The following CTTNBP2 variants were observed in gnomAD, a reference collection of about 807,000 sequenced individuals.
CTTNBP2 encodes cortactin-binding protein 2.
CTTNBP2 carries 108 observed loss-of-function variants against 156.9 expected under a neutral mutation model. The observed-to-expected ratio is 0.69, with a 90% confidence interval of 0.59 to 0.81. The LOEUF (loss-of-function observed/expected upper bound fraction) is 0.81. CTTNBP2 is among the 30% of genes least tolerant of loss of function. CTTNBP2 has a pLI of 0.00. For missense variants in CTTNBP2, 1,924 were observed against 2,035.4 expected (o/e 0.95, Z 1.05); for synonymous variants, 767 against 751.8 (o/e 1.02, Z -0.33).
At chr7:117,745,041 C>T (rs1247179931) in intron 14 of CTTNBP2, among the ~76,000 whole-genome samples, 1 of 152,226 alleles carries the variant, frequency 6.6e-6, no homozygotes, top group East Asian at 1.9e-4. Context: ...AAAGTCTGGT[C>T]CATTTCAGTT....
chr7:117,726,667 C>T (rs575133822), intron 17 of CTTNBP2, among the ~76,000 whole-genome samples: 1 of 152,308 alleles, frequency 6.6e-6, no homozygotes, highest in South Asian at 2.1e-4. Context: ...AAAACAACAT[C>T]TTCCAGGGCC....
In CTTNBP2 at chr7:117,723,042, T is replaced by C. The variant is rs1260835957; in HGVS notation, c.4447+1505A>G. Among the ~76,000 whole-genome samples, 5 of 152,196 alleles carry C rather than the reference T, an allele frequency of 3.3e-5. No homozygotes were observed. In the East Asian group the frequency reaches 9.6e-4, roughly 29 times the overall value. ...TGCTACAGAAAGTCATCTGGGGGTC[T>C]ATACTAAATTGGTGGGCTGGAGTCT... On this transcript the variant is annotated intron_variant, in intron 19 of 22. Coordinates refer to ENST00000160373, the MANE Select transcript of CTTNBP2 (RefSeq NM_033427.3).
intron 10 of CTTNBP2, 67 bp from the exon 11 acceptor site, chr7:117,758,037 C>T: frequency 8.9e-7 from 1 of 1,128,406 alleles, no homozygotes; most frequent in Non-Finnish European, 1.3e-6. Context: ...CAAGGGTAAA[C>T]ATATGCTCTC....
intron 2 of CTTNBP2, among the ~76,000 whole-genome samples, chr7:117,831,965 A>G (rs1801638728): frequency 6.6e-6 from 1 of 152,188 alleles, no homozygotes; most frequent in African/African-American, 2.4e-5. Context: ...TTCTATGACC[A>G]AAATGACATA....
chr7:117,791,854 C>T lies in CTTNBP2; in HGVS notation c.1342G>A (p.Ala448Thr), dbSNP rs1176313173. 2 of 1,614,144 alleles carry T rather than the reference C, an allele frequency of 1.2e-6. No individual in the cohort carries two copies. Among genetic ancestry groups the T allele is most frequent in the Admixed American group, 3.3e-5 (2 of 60,030 alleles). Residue 448 changes from alanine to threonine, a missense_variant, in exon 4 of 23, where the codon GCT (alanine) becomes ACT (threonine). Coordinates refer to ENST00000160373, the MANE Select transcript of CTTNBP2 (RefSeq NM_033427.3). The stretch of plus-strand genomic sequence containing the variant: ...GCATTGCCCTGAAATCTAAATCTAG[C>T]TGCTTGGATTCGTGGGTTTAGACCT... ...HPGLNPRIQA[A>T]RFRFQGNAND...
intron 9 of CTTNBP2, among the ~76,000 whole-genome samples, chr7:117,764,898 G>A (rs1029567846): frequency 6.6e-6 from 1 of 152,058 alleles, no homozygotes; most frequent in Non-Finnish European, 1.5e-5. Context: ...GTGCATCTTT[G>A]TTCTTCTTTG....
chr7:117,846,997 A>G (rs1013454235), intron 2 of CTTNBP2, among the ~76,000 whole-genome samples: 1 of 152,222 alleles, frequency 6.6e-6, no homozygotes, highest in Non-Finnish European at 1.5e-5. Context: ...AAATTGACTT[A>G]GAGACAATTT....
intron 3 of CTTNBP2, among the ~76,000 whole-genome samples, chr7:117,796,697 A>G (rs1283753778): frequency 1.3e-5 from 2 of 152,228 alleles, no homozygotes; most frequent in African/African-American, 4.8e-5. Flanking sequence ...TATTTGTATT[A>G]TTTTAAAATG....
At chr7:117,771,556 G>A (rs910507626) in intron 8 of CTTNBP2, among the ~76,000 whole-genome samples, 2 of 152,150 alleles carry the variant, frequency 1.3e-5, no homozygotes, top group Admixed American at 6.5e-5. Context: ...GATGTGTTTG[G>A]GAAGGAAAGT....
Position 117,760,558 on chromosome 7 carries a change from G to GA in CTTNBP2, c.3048dup (p.Leu1017SerfsTer11), listed in dbSNP as rs959352339. On this transcript the variant is annotated frameshift_variant, in exon 10 of 23. Coordinates refer to ENST00000160373, the MANE Select transcript of CTTNBP2 (RefSeq NM_033427.3). LOFTEE classifies it high-confidence loss of function. ...GAGATTGCCTGGAAATGATTTGTCA[G>GA]AGCTTGACTCACTGCTTTTGAAAAA... 2 of 1,614,014 alleles carry GA rather than the reference G, an allele frequency of 1.2e-6. No homozygotes were observed. Among genetic ancestry groups the GA allele is most frequent in the Non-Finnish European group, 1.7e-6 (2 of 1,180,016 alleles).
chr7:117,752,263 A>T (rs1796655650), intron 12 of CTTNBP2, among the ~76,000 whole-genome samples: 2 of 152,196 alleles, frequency 1.3e-5, no homozygotes, highest in Non-Finnish European at 2.9e-5. Context: ...GGACATTCAG[A>T]GTCTTAATTT....
chr7:117,798,413 C>T (rs1394536570), intron 3 of CTTNBP2, among the ~76,000 whole-genome samples: 1 of 151,916 alleles, frequency 6.6e-6, no homozygotes, highest in Non-Finnish European at 1.5e-5. Flanking sequence ...CAGAATTAAA[C>T]TGGAAATAAA....
intron 2 of CTTNBP2, among the ~76,000 whole-genome samples, chr7:117,848,094 G>A (rs1802711162): frequency 6.6e-6 from 1 of 152,018 alleles, no homozygotes; most frequent in Non-Finnish European, 1.5e-5. Context: ...TGGGATTACA[G>A]GTGTGAGCCA....
chr7:117,872,929 C>G (rs960291673), intron 1 of CTTNBP2, among the ~76,000 whole-genome samples: 1 of 152,140 alleles, frequency 6.6e-6, no homozygotes, highest in Admixed American at 6.5e-5. Context: ...GAGACACGCG[C>G]TGGCAACCAC....
intron 2 of CTTNBP2, among the ~76,000 whole-genome samples, chr7:117,825,281 C>T (rs1385820701): frequency 6.6e-6 from 1 of 152,164 alleles, no homozygotes; most frequent in African/African-American, 2.4e-5. Flanking sequence ...AGTCTCTCAT[C>T]GTCTGTCCTT....
In CTTNBP2 at chr7:117,792,237, T is replaced by C; in HGVS notation, c.959A>G (p.Lys320Arg). ...TACAGGCATGGTTAAAGGCAACTTT[T>C]TCATGTGGTCAGCATTTTCTGTCAC... Reference protein sequence around the residue: ...DLVTENADHMKKLPLTMPVKP... With the variant: ...DLVTENADHMRKLPLTMPVKP... The change falls in exon 4 of 23, where the codon AAA (lysine) becomes AGA (arginine). Residue 320 changes from lysine to arginine, a missense_variant. Lys to Arg is a conservative substitution (Grantham distance 26, BLOSUM62 2). Coordinates refer to ENST00000160373, the MANE Select transcript of CTTNBP2 (RefSeq NM_033427.3). The surrounding 1 kb of genome is among the most constrained non-coding windows in gnomAD (Gnocchi z 4.2). The C allele has an allele frequency of 1.2e-6, 2 of 1,614,212 alleles. No individual in the cohort carries two copies. The highest frequency in any genetic ancestry group is 1.7e-6 in the Non-Finnish European group (2 of 1,180,038).
intron 10 of CTTNBP2, 57 bp from the exon 11 acceptor site, chr7:117,758,027 CA>C: frequency 8.1e-7 from 1 of 1,236,698 alleles, no homozygotes; most frequent in Non-Finnish European, 1.2e-6. Context: ...GTTTTTCTCA[CA>C]AGGGTAAACA....
At position 117,792,118 on chromosome 7, in the gene CTTNBP2, C is replaced by G. The variant is rs773595932; in HGVS notation, c.1078G>C (p.Ala360Pro). The G allele has an allele frequency of 3.7e-6, 6 of 1,613,988 alleles. No individual in the cohort carries two copies. The East Asian group carries it at 6.7e-5, about 18-fold the overall frequency. ...TMARPGIDRQ[A>P]SYGDLIGASV... is the part of the protein sequence containing the mutation. ...GCGCCAATCAAGTCACCATAGGAAG[C>G]CTGCCTGTCAATACCTGGTCTGGCC... Residue 360 changes from alanine (A) to proline (P), a missense_variant, in exon 4 of 23, where the codon GCT (alanine) becomes CCT (proline). Ala to Pro is a conservative substitution (Grantham distance 27). Coordinates refer to ENST00000160373, the MANE Select transcript of CTTNBP2 (RefSeq NM_033427.3). The surrounding 1 kb of genome is among the most constrained non-coding windows in gnomAD (Gnocchi z 4.2).
chr7:117,862,749 C>T (rs1803857886), intron 1 of CTTNBP2, among the ~76,000 whole-genome samples: 1 of 152,204 alleles, frequency 6.6e-6, no homozygotes, highest in Non-Finnish European at 1.5e-5. Flanking sequence ...TTCACACTTG[C>T]ATAGCACCCA....
Sources: allele counts gnomAD v4.1 joint callset (sites outside exome capture counted in the v4.1 genomes callset), GRCh38; gene constraint gnomAD v4.1.1; non-coding constraint Gnocchi (gnomAD v3.1); transcripts MANE v1.5; gene names NCBI Gene and HGNC (gene_info 2026-07-23, HGNC 2026-07-21).